DCC: variants seen among roughly 807,000 people sequenced by gnomAD.
DCC encodes the protein netrin receptor DCC.
DCC carries 58 observed loss-of-function variants against 172.5 expected under a neutral mutation model. That is an observed-to-expected ratio of 0.34 (90% confidence interval 0.27 to 0.42). DCC has a LOEUF of 0.42. Ranked by LOEUF, DCC falls within the 10% of genes least tolerant of loss-of-function variation. DCC has a pLI of 1.00. For synonymous variants in DCC, 709 were observed against 644.5 expected (o/e 1.10, Z -1.52); for missense variants, 1,740 against 1,791.0 (o/e 0.97, Z 0.51).
At chr18:53,225,894 G>A (rs1055711929) in intron 12 of DCC, among the ~76,000 whole-genome samples, 5 of 152,014 alleles carry the variant, frequency 3.3e-5, no homozygotes, top group African/African-American at 1.2e-4. Context: ...CGGGTCAGGG[G>A]GATTAATAGT....
At chr18:52,367,695 C>T (rs542925490) in intron 1 of DCC, among the ~76,000 whole-genome samples, 1 of 152,280 alleles carries the variant, frequency 6.6e-6, no homozygotes, top group South Asian at 2.1e-4. Flanking sequence ...ATGGCTGTTT[C>T]TCCCAGTTAG....
chr18:53,005,467 C>G (rs2143857993), intron 5 of DCC, among the ~76,000 whole-genome samples: 2 of 152,274 alleles, frequency 1.3e-5, no homozygotes, highest in East Asian at 1.9e-4. Flanking sequence ...AGCATGGTGG[C>G]TTACACCTGT....
At chr18:52,382,891 A>G (rs772278776) in intron 1 of DCC, among the ~76,000 whole-genome samples, 1 of 152,112 alleles carries the variant, frequency 6.6e-6, no homozygotes, top group Non-Finnish European at 1.5e-5. Context: ...CTAAGACTGT[A>G]TTCTTCACTC....
At chr18:53,334,274 A>T (rs1305928673) in intron 14 of DCC, among the ~76,000 whole-genome samples, 1 of 152,176 alleles carries the variant, frequency 6.6e-6, no homozygotes, top group Non-Finnish European at 1.5e-5. Context: ...CATTCCTGCC[A>T]GTCAAGACCA....
At chr18:52,471,066 C>A (rs1034396920) in intron 1 of DCC, among the ~76,000 whole-genome samples, 4 of 152,126 alleles carry the variant, frequency 2.6e-5, no homozygotes, top group Non-Finnish European at 4.4e-5. Flanking sequence ...AATATCAACT[C>A]CTGGCTGGGC....
At chr18:53,501,034 T>C (rs12955791) in intron 27 of DCC, among the ~76,000 whole-genome samples, 75,417 of 151,920 alleles carry the variant, frequency 0.5, 19,968 homozygotes, top group Non-Finnish European at 0.61. Context: ...GTGCCAAGAG[T>C]ATGCTTCCTT....
At chr18:53,060,314 T>C (rs1375349766) in intron 5 of DCC, among the ~76,000 whole-genome samples, 1 of 152,084 alleles carries the variant, frequency 6.6e-6, no homozygotes, top group Non-Finnish European at 1.5e-5. Context: ...TGAGCCACAG[T>C]ACCTGGTTAG....
intron 5 of DCC, among the ~76,000 whole-genome samples, chr18:52,997,487 T>C (rs1031197252): frequency 1.3e-5 from 2 of 152,088 alleles, no homozygotes; most frequent in African/African-American, 4.8e-5. Context: ...GATTCACATA[T>C]GCCAAAATAT....
intron 7 of DCC, among the ~76,000 whole-genome samples, chr18:53,087,421 T>A (rs1009834932): frequency 6.6e-6 from 1 of 151,972 alleles, no homozygotes; most frequent in South Asian, 2.1e-4. Flanking sequence ...TGTCTGTTCA[T>A]GTCCTTCGCC....
At chr18:52,807,462 C>T (rs891555739) in intron 2 of DCC, among the ~76,000 whole-genome samples, 3 of 152,076 alleles carry the variant, frequency 2.0e-5, no homozygotes, top group Admixed American at 6.5e-5. Flanking sequence ...GAGAAAGCTG[C>T]GTATATATAA....
intron 12 of DCC, among the ~76,000 whole-genome samples, chr18:53,279,371 A>G (rs904826415): frequency 3.3e-5 from 5 of 151,752 alleles, no homozygotes; most frequent in Non-Finnish European, 7.4e-5. Flanking sequence ...GCTGGAAACC[A>G]TCATTCTCAG....
At chr18:52,481,084 G>C (rs1377378045) in intron 1 of DCC, among the ~76,000 whole-genome samples, 4 of 152,068 alleles carry the variant, frequency 2.6e-5, no homozygotes, top group African/African-American at 7.2e-5. Flanking sequence ...GATAATTTTT[G>C]TGTGTAAACT....
chr18:52,723,391 G>A (rs1161973409), intron 1 of DCC, among the ~76,000 whole-genome samples: 1 of 152,180 alleles, frequency 6.6e-6, no homozygotes, highest in Non-Finnish European at 1.5e-5. Context: ...GTCTGTTGTT[G>A]CCTACTAGGA....
intron 1 of DCC, among the ~76,000 whole-genome samples, chr18:52,744,208 T>G (rs2036871542): frequency 1.3e-5 from 2 of 152,194 alleles, no homozygotes; most frequent in Admixed American, 1.3e-4. Flanking sequence ...ATACTAAAAT[T>G]TATACTAAAT....
intron 1 of DCC, among the ~76,000 whole-genome samples, chr18:52,351,724 C>T (rs1217915381): frequency 6.6e-6 from 1 of 152,140 alleles, no homozygotes; most frequent in East Asian, 1.9e-4. Flanking sequence ...GTTTAGTAAA[C>T]CTAAACCTAA....
chr18:53,431,241 A>T, intron 21 of DCC, among the ~76,000 whole-genome samples: 1 of 151,052 alleles, frequency 6.6e-6, no homozygotes. Context: ...TAAAAGTAGA[A>T]AATCATTTGC....
intron 1 of DCC, among the ~76,000 whole-genome samples, chr18:52,412,511 T>G (rs1320048764): frequency 6.6e-6 from 1 of 152,150 alleles, no homozygotes; most frequent in Non-Finnish European, 1.5e-5. Context: ...TATTTATAAA[T>G]GTACAACTAA....
intron 15 of DCC, among the ~76,000 whole-genome samples, chr18:53,345,412 T>C (rs966394012): frequency 7.2e-5 from 11 of 152,166 alleles, no homozygotes; most frequent in Non-Finnish European, 1.3e-4. Context: ...ATTCCTTTTG[T>C]TGTAATTGTC....
At chr18:52,427,835 T>TCTTCCTTCCTTCCTTCCTTCCTTC (rs1206938130) in intron 1 of DCC, among the ~76,000 whole-genome samples, 1 of 46,006 alleles carries the variant, frequency 2.2e-5, no homozygotes, top group African/African-American at 6.1e-5. Flanking sequence ...TTCCTTCCTT[T>TCTTCCTTCCTTCCTTCCTTCCTTC]CTTCCTTCCT....
Sources: allele counts gnomAD v4.1 joint callset (sites outside exome capture counted in the v4.1 genomes callset), GRCh38; gene constraint gnomAD v4.1.1; transcripts MANE v1.5; gene names NCBI Gene and HGNC (gene_info 2026-07-23, HGNC 2026-07-21).